The following CDH12 variants were observed in gnomAD, a reference collection of about 807,000 sequenced individuals.
CDH12 encodes cadherin-12.
In CDH12, 41 loss-of-function variants were observed where a neutral mutation model predicts 74.1. The ratio of observed to expected loss-of-function variants is 0.55; its 90% CI spans 0.43 to 0.72. The LOEUF (loss-of-function observed/expected upper bound fraction) is 0.72, where lower values mean the gene tolerates loss of function less well. Ranked by LOEUF, CDH12 falls within the 30% of genes least tolerant of loss-of-function variation. CDH12 has a pLI of 0.00. For synonymous variants in CDH12, 399 were observed against 355.0 expected (o/e 1.12, Z -1.39); for missense variants, 945 against 977.2 (o/e 0.97, Z 0.44).
At chr5:22,767,019 C>T (rs940461230) in intron 1 of CDH12, among the ~76,000 whole-genome samples, 1 of 151,886 alleles carries the variant, frequency 6.6e-6, no homozygotes, top group African/African-American at 2.4e-5. Flanking sequence ...TGATTTTTTA[C>T]ATGTATAAGA....
chr5:22,454,945 T>A (rs1745204455), intron 2 of CDH12, among the ~76,000 whole-genome samples: 1 of 152,124 alleles, frequency 6.6e-6, no homozygotes, highest in African/African-American at 2.4e-5. Flanking sequence ...GATAACAATG[T>A]GGGAAGATGC....
At chr5:21,940,860 A>T (rs2355265) in intron 6 of CDH12, among the ~76,000 whole-genome samples, 39,482 of 149,528 alleles carry the variant, frequency 0.26, 8,136 homozygotes, top group African/African-American at 0.58. Context: ...TCTCTCTCTC[A>T]CACACACACA....
At chr5:22,377,622 G>A (rs1741589738) in intron 3 of CDH12, among the ~76,000 whole-genome samples, 1 of 152,098 alleles carries the variant, frequency 6.6e-6, no homozygotes, top group African/African-American at 2.4e-5. Flanking sequence ...ATTCCTTCCT[G>A]GGCATCTGGA....
intron 3 of CDH12, among the ~76,000 whole-genome samples, chr5:22,255,005 T>C (rs1753264275): frequency 6.6e-6 from 1 of 151,936 alleles, no homozygotes; most frequent in Non-Finnish European, 1.5e-5. Flanking sequence ...TGTATTTTTG[T>C]ACCCATTAAT....
At chr5:21,907,293 T>G (rs954696334) in intron 6 of CDH12, among the ~76,000 whole-genome samples, 1 of 151,626 alleles carries the variant, frequency 6.6e-6, no homozygotes, top group African/African-American at 2.4e-5. Flanking sequence ...GTACGGGGAG[T>G]GGGCAGCAGC....
chr5:22,430,607 C>T (rs554935989), intron 2 of CDH12, among the ~76,000 whole-genome samples: 11 of 152,222 alleles, frequency 7.2e-5, no homozygotes, highest in East Asian at 1.9e-4. Flanking sequence ...AGAGTACATC[C>T]GCATCTCCTC....
At chr5:22,644,534 A>T (rs1739333915) in intron 1 of CDH12, among the ~76,000 whole-genome samples, 1 of 152,032 alleles carries the variant, frequency 6.6e-6, no homozygotes, top group African/African-American at 2.4e-5. Flanking sequence ...AATTTTTAAA[A>T]AATGAAGCTA....
chr5:22,165,099 C>A (rs1366180486), intron 4 of CDH12, among the ~76,000 whole-genome samples: 1 of 151,614 alleles, frequency 6.6e-6, no homozygotes, highest in African/African-American at 2.4e-5. Context: ...ACATTCTATT[C>A]TGAACACAGC....
intron 3 of CDH12, among the ~76,000 whole-genome samples, chr5:22,306,332 A>C (rs183333801): frequency 1.7e-4 from 26 of 152,150 alleles, no homozygotes; most frequent in African/African-American, 6.0e-4. Context: ...TTGTGGTATA[A>C]GGAAAAAAAA....
At chr5:22,028,512 T>C (rs1281997033) in intron 5 of CDH12, among the ~76,000 whole-genome samples, 9 of 152,136 alleles carry the variant, frequency 5.9e-5, no homozygotes, top group Non-Finnish European at 7.3e-5. Context: ...CCATTCACAA[T>C]TGCTTCAAAG....
intron 1 of CDH12, among the ~76,000 whole-genome samples, chr5:22,813,324 C>T (rs1211405556): frequency 6.6e-6 from 1 of 152,100 alleles, no homozygotes; most frequent in Non-Finnish European, 1.5e-5. Context: ...GAAAGAGTTG[C>T]AGGTTTACTA....
intron 1 of CDH12, among the ~76,000 whole-genome samples, chr5:22,681,494 G>A (rs1026720770): frequency 1.3e-5 from 2 of 151,982 alleles, no homozygotes; most frequent in Non-Finnish European, 2.9e-5. Flanking sequence ...AATAAGGGCT[G>A]CAAGATCGGG....
intron 9 of CDH12, among the ~76,000 whole-genome samples, chr5:21,803,834 G>A (rs1327704822): frequency 1.3e-5 from 2 of 152,070 alleles, no homozygotes; most frequent in African/African-American, 2.4e-5. Flanking sequence ...AAGGAAGGAT[G>A]GATATTTTTC....
At chr5:21,903,479 T>C (rs1753492104) in intron 6 of CDH12, among the ~76,000 whole-genome samples, 1 of 152,126 alleles carries the variant, frequency 6.6e-6, no homozygotes, top group Non-Finnish European at 1.5e-5. Flanking sequence ...ATTGCCTACA[T>C]ATGCTTCAGA....
chr5:22,190,474 T>A (rs1358348641), intron 4 of CDH12, among the ~76,000 whole-genome samples: 2 of 152,158 alleles, frequency 1.3e-5, no homozygotes, highest in Non-Finnish European at 2.9e-5. Context: ...GTGACCTATA[T>A]TTTAAAATGA....
At chr5:22,140,322 T>C (rs1746713817) in intron 4 of CDH12, among the ~76,000 whole-genome samples, 1 of 152,054 alleles carries the variant, frequency 6.6e-6, no homozygotes, top group Admixed American at 6.6e-5. Flanking sequence ...ATTTGAAATG[T>C]ATTTCTACTT....
intron 1 of CDH12, among the ~76,000 whole-genome samples, chr5:22,551,782 A>AAC (rs144523977): frequency 0.16 from 24,513 of 152,114 alleles, 2,518 homozygotes; most frequent in East Asian, 0.36. Flanking sequence ...AGCTGTGCAA[A>AAC]AGAGATCAAT....
chr5:22,436,177 C>A (rs1218915746), intron 2 of CDH12, among the ~76,000 whole-genome samples: 1 of 148,592 alleles, frequency 6.7e-6, no homozygotes, highest in Non-Finnish European at 1.5e-5. Flanking sequence ...GACAAAAAAA[C>A]CAAACACCAC....
chr5:22,007,777 C>A (rs1050423413), intron 5 of CDH12, among the ~76,000 whole-genome samples: 1 of 152,128 alleles, frequency 6.6e-6, no homozygotes, highest in African/African-American at 2.4e-5. Context: ...TTCATTTATA[C>A]AAAATCACAC....
Sources: gnomAD v4.1 joint callset for allele counts (sites outside exome capture counted in the v4.1 genomes callset) on GRCh38, gnomAD v4.1.1 for gene constraint, MANE v1.5 for transcripts, NCBI Gene and HGNC (gene_info 2026-07-23, HGNC 2026-07-21) for gene names.